Variants in LARGE2 observed in about 807,000 individuals in gnomAD.
LARGE2 encodes LARGE xylosyl- and glucuronyltransferase 2, also known as xylosyl- and glucuronyltransferase LARGE2.
In LARGE2, 63 loss-of-function variants were observed where a neutral mutation model predicts 75.3. The observed-to-expected ratio is 0.84, with a 90% CI of 0.68 to 1.03. LARGE2 has a LOEUF of 1.03. Ranked by LOEUF, LARGE2 falls within the 50% of genes least tolerant of loss-of-function variation. LARGE2 has a pLI of 0.00. For synonymous variants in LARGE2, 428 were observed against 420.1 expected, an observed-to-expected ratio of 1.02 and a Z score of -0.23; for missense variants, 925 against 980.6, an observed-to-expected ratio of 0.94 and a Z score of 0.76.
At position 45,929,011 on chromosome 11, in the gene LARGE2, GTC is replaced by G. The variant is rs1168152552; in HGVS notation, c.*174_*175del. On this transcript the variant is annotated 3_prime_UTR_variant, in exon 14 of 14. Coordinates refer to ENST00000401752, the MANE Select transcript of LARGE2 (RefSeq NM_001300721.2). Reference sequence around the variant, plus strand: ...GCTGCTATTGTATGGCTGGGGACTGGTCTCTCTCTGCCCCAGCCAGTTTGGGG... The same window carrying G: ...GCTGCTATTGTATGGCTGGGGACTGGTCTCTCTGCCCCAGCCAGTTTGGGG... The G allele has an allele frequency of 5.8e-6, 5 of 867,864 alleles. No homozygotes were observed. The highest frequency in any genetic ancestry group is 5.2e-6 in the Non-Finnish European group (3 of 574,966). 53.8% of individuals were successfully genotyped at this position (867,864 alleles called of 1,614,324 possible). A position where few individuals can be genotyped will look rare whatever the true frequency, so the allele number is the denominator to read the frequency against.
At chr11:45,924,103 C>A in intron 3 of LARGE2, 51 bp from the exon 4 acceptor site, 5 of 1,598,264 alleles carry the variant, frequency 3.1e-6, no homozygotes, top group Non-Finnish European at 4.2e-6. Context: ...GGGGCTGTCC[C>A]ATGTTGCTCC....
chr11:45,927,630 G>A, intron 11 of LARGE2, 37 bp downstream of exon 11: 1 of 1,600,822 alleles, frequency 6.2e-7, no homozygotes, highest in East Asian at 2.2e-5. Flanking sequence ...AATATATGGG[G>A]TGGACGTGGA....
Position 45,926,315 on chromosome 11 carries a change from G to A in LARGE2, c.976G>A (p.Glu326Lys), listed in dbSNP as rs776062280. ...NVQLSDHTLA[E>K]RCYSEASDLK... ...GCAGCTGTCAGATCACACACTGGCC[G>A]AGCGCTGCTACTCTGAGGCGTCTGA... The change falls in exon 8 of 14, where the codon GAG becomes AAG. Residue 326 changes from glutamate (E) to lysine (K), a missense_variant. Glu to Lys is a moderately conservative substitution (Grantham distance 56). Transcript: ENST00000401752. 5 of 1,614,156 alleles carry A rather than the reference G, an allele frequency of 3.1e-6. No individual in the cohort carries two copies. The highest frequency in any genetic ancestry group is 2.2e-5 in the East Asian group (1 of 44,880).
In LARGE2 at chr11:45,928,183, C is replaced by G; in HGVS notation, c.1761C>G (p.His587Gln). 6.2e-7 allele frequency: 1 copy of G among 1,613,568 alleles called. No homozygotes were observed. The highest frequency in any genetic ancestry group is 8.5e-7 in the Non-Finnish European group (1 of 1,179,994). The change falls in exon 13 of 14, where the codon CAC (histidine) becomes CAG (glutamine). Residue 587 changes from histidine (H) to glutamine (Q), a missense_variant. Coordinates refer to ENST00000401752, the MANE Select transcript of LARGE2 (RefSeq NM_001300721.2). ...ACCCGACCCTGCTGCACAGGTACCA[C>G]GAGTGGCCCCGAGGCCACGCACCCA... Reference protein sequence around the residue: ...DAGTLYTFRYHEWPRGHAPTD... With the variant: ...DAGTLYTFRYQEWPRGHAPTD...
At chr11:45,924,728 CCT>C (rs758188398) in intron 5 of LARGE2, 51 bp downstream of exon 5, 1 of 1,554,562 alleles carries the variant, frequency 6.4e-7, no homozygotes. Context: ...TGCATCCAGC[CCT>C]GAGCCCAGGT....
intron 10 of LARGE2, 96 bp downstream of exon 10, chr11:45,926,967 T>A: frequency 1.6e-6 from 2 of 1,254,190 alleles, no homozygotes; most frequent in South Asian, 1.5e-5. Context: ...GCTGTGGTAG[T>A]GAGCTACCTG....
chr11:45,925,995 G>A (rs2087124715), intron 6 of LARGE2, 44 bp from the exon 7 acceptor site: 1 of 1,508,618 alleles, frequency 6.6e-7, no homozygotes, highest in African/African-American at 1.4e-5. Flanking sequence ...TCCCCCAGGA[G>A]CTGGTCGTCC....
Position 45,926,812 on chromosome 11 carries a change from T to A in LARGE2, c.1266T>A (p.His422Gln), listed in dbSNP as rs3802757. 280 of 1,613,498 alleles carry A rather than the reference T, an allele frequency of 1.7e-4. 2 individuals carry two copies. In the East Asian group the frequency reaches 6.0e-3, roughly 34 times the overall value. The stretch of plus-strand genomic sequence containing the variant: ...GTGTGCATGTCACTTTCCTGCCCCA[T>A]GAACCGCCACCCCCCCGGCCTCACG... ...VHRVHVTFLPHEPPPPRPHDV... is the reference protein window; with the variant it reads ...VHRVHVTFLPQEPPPPRPHDV... Residue 422 changes from histidine to glutamine, a missense_variant, in exon 10 of 14, where the codon CAT (histidine) becomes CAA (glutamine). Coordinates refer to ENST00000401752, the MANE Select transcript of LARGE2 (RefSeq NM_001300721.2).
chr11:45,927,377 T>C lies in LARGE2; in HGVS notation c.1388T>C (p.Leu463Pro). The C allele has an allele frequency of 6.2e-7, 1 of 1,614,014 alleles. No homozygotes were observed. Among genetic ancestry groups the C allele is most frequent in the Non-Finnish European group, 8.5e-7 (1 of 1,180,030 alleles). Reference protein sequence around the residue: ...WPGPMSLALYLTDAEAQQFLH... With the variant: ...WPGPMSLALYPTDAEAQQFLH... The stretch of plus-strand genomic sequence containing the variant: ...GGCCCCATGAGCCTGGCCTTGTACC[T>C]GACAGACGCAGAAGCTCAGCAGTTC... The change falls in exon 11 of 14, where the codon CTG (leucine) becomes CCG (proline). Residue 463 changes from leucine to proline, a missense_variant. Coordinates refer to ENST00000401752, the MANE Select transcript of LARGE2 (RefSeq NM_001300721.2).
chr11:45,927,818 G>A (rs772176467), intron 11 of LARGE2, 102 bp from the exon 12 acceptor site: 2 of 1,560,870 alleles, frequency 1.3e-6, no homozygotes, highest in African/African-American at 1.4e-5. Context: ...AGGCAAGATG[G>A]CCCATGGTGG....
At position 45,924,283 on chromosome 11, in the gene LARGE2, G is replaced by A. The variant is rs567063775; in HGVS notation, c.492+6G>A. On this transcript the variant is annotated splice_donor_region_variant and intron_variant, in intron 4 of 13. Transcript: ENST00000401752. The stretch of plus-strand genomic sequence containing the variant: ...ATCATGCCGACCAGCTCAAGGCAGG[G>A]GCCCAGCCCTTCCCCCCTCCCCTCA... The A allele has an allele frequency of 3.1e-6, 5 of 1,612,634 alleles. No homozygotes were observed. Among genetic ancestry groups the A allele is most frequent in the Admixed American group, 1.7e-5 (1 of 60,030 alleles).
intron 6 of LARGE2, 25 bp from the exon 7 acceptor site, chr11:45,926,014 C>T (rs1169008885): frequency 6.5e-7 from 1 of 1,542,188 alleles, no homozygotes; most frequent in Admixed American, 2.0e-5. Flanking sequence ...CCCAGGTGGG[C>T]ATGACAGCAT....
intron 3 of LARGE2, among the ~76,000 whole-genome samples, chr11:45,923,878 T>C (rs1448645472): frequency 2.7e-5 from 4 of 148,100 alleles, no homozygotes; most frequent in Admixed American, 6.8e-5. Flanking sequence ...CCCAGCTACT[T>C]GGGAGGCTGA....
upstream of LARGE2, among the ~76,000 whole-genome samples, chr11:45,922,415 T>G (rs2086948388): frequency 2.0e-5 from 3 of 149,758 alleles, no homozygotes; most frequent in East Asian, 2.0e-4. Flanking sequence ...GGGCAGGGGG[T>G]CAGGGCAGGT....
At chr11:45,926,972 T>G in intron 10 of LARGE2, 101 bp downstream of exon 10, 2 of 1,235,786 alleles carry the variant, frequency 1.6e-6, no homozygotes, top group Non-Finnish European at 2.2e-6. Flanking sequence ...GGTAGTGAGC[T>G]ACCTGTCCCT....
chr11:45,926,090 TGTG>T lies in LARGE2; in HGVS notation c.823_825del (p.Trp275del). The T allele has an allele frequency of 6.4e-7, 1 of 1,563,936 alleles. No homozygotes were observed. Among genetic ancestry groups the T allele is most frequent in the South Asian group, 1.2e-5 (1 of 85,386 alleles). ...CTCCGGCAGGCTGGCTGGGAGCAGATGTGGAGGCTGACAGCCAGGCGGGAGCTC... is the reference window on the plus strand; with the variant it reads ...CTCCGGCAGGCTGGCTGGGAGCAGATGAGGCTGACAGCCAGGCGGGAGCTC... On this transcript the variant is annotated inframe_deletion, in exon 7 of 14. Coordinates refer to ENST00000401752, the MANE Select transcript of LARGE2 (RefSeq NM_001300721.2).
chr11:45,923,793 C>A (rs1010210369), intron 3 of LARGE2, among the ~76,000 whole-genome samples: 1 of 151,368 alleles, frequency 6.6e-6, no homozygotes, highest in East Asian at 1.9e-4. Context: ...GAGACCATCC[C>A]GGCTAAAACG....
chr11:45,922,721 T>C lies in LARGE2; in HGVS notation c.-70T>C, dbSNP rs1386326063. 4 of 484,664 alleles carry C rather than the reference T, an allele frequency of 8.3e-6. No homozygotes were observed. The highest frequency in any genetic ancestry group is 6.1e-5 in the African/African-American group (3 of 49,560). The allele number at this position is 484,664 out of a possible 1,614,324, so 30.0% of individuals were successfully genotyped here. A position where few individuals can be genotyped will look rare whatever the true frequency, so the allele number is the denominator to read the frequency against. On this transcript the variant is annotated 5_prime_UTR_variant, in exon 1 of 14. Coordinates refer to ENST00000401752, the MANE Select transcript of LARGE2 (RefSeq NM_001300721.2). ...GCGCAGGGCCCAGCCCGGGAGCCGC[T>C]GGAGCAGGTGAGGGAGGTGGCTCGG...
At chr11:45,923,926 C>A (rs1157586929) in intron 3 of LARGE2, among the ~76,000 whole-genome samples, 1 of 128,914 alleles carries the variant, frequency 7.8e-6, no homozygotes, top group Non-Finnish European at 1.6e-5. Flanking sequence ...GCAGAGCTTG[C>A]AGTGAGCCGA....
Sources: gnomAD v4.1 joint callset for allele counts (sites outside exome capture counted in the v4.1 genomes callset) on GRCh38, gnomAD v4.1.1 for gene constraint, MANE v1.5 for transcripts, NCBI Gene and HGNC (gene_info 2026-07-23, HGNC 2026-07-21) for gene names.